The following CDYL variants were observed in gnomAD, a reference collection of about 807,000 sequenced individuals.
CDYL encodes chromodomain Y-like protein.
In CDYL, 8 loss-of-function variants were observed where a neutral mutation model predicts 47.3. That is an observed-to-expected ratio of 0.17 (90% CI 0.10 to 0.31). The LOEUF is 0.31. CDYL is among the 10% of genes least tolerant of loss of function. The probability of loss-of-function intolerance (pLI) is 1.00; values close to 1 mark genes in which losing one functional copy is unlikely to be tolerated. For synonymous variants in CDYL, 266 were observed against 265.0 expected, an observed-to-expected ratio of 1.00 and a Z score of -0.04; for missense variants, 471 against 701.4, an observed-to-expected ratio of 0.67 and a Z score of 3.71.
intron 1 of CDYL, among the ~76,000 whole-genome samples, chr6:4,840,086 G>T (rs187117807): frequency 3.7e-4 from 56 of 152,162 alleles, no homozygotes; most frequent in Non-Finnish European, 7.1e-4. Flanking sequence ...TGTCATCTAT[G>T]ATTTCTTTCA....
At chr6:4,749,384 TG>T (rs1434293662) in intron 3 of CDYL, among the ~76,000 whole-genome samples, 1 of 150,926 alleles carries the variant, frequency 6.6e-6, no homozygotes, top group East Asian at 2.0e-4. Flanking sequence ...GGATATGTGA[TG>T]GATAGATGGA....
intron 2 of CDYL, among the ~76,000 whole-genome samples, chr6:4,723,471 C>CCTCTGTA (rs1388729001): frequency 2.6e-5 from 4 of 152,042 alleles, no homozygotes; most frequent in Admixed American, 2.6e-4. Context: ...GAGGTGTGGG[C>CCTCTGTA]ATAGTTAGAG....
intron 3 of CDYL, among the ~76,000 whole-genome samples, chr6:4,769,983 G>A (rs1758314413): frequency 6.6e-6 from 1 of 151,352 alleles, no homozygotes; most frequent in African/African-American, 2.4e-5. Flanking sequence ...GTGTGTGTGT[G>A]TGTGTGTGTG....
intron 2 of CDYL, among the ~76,000 whole-genome samples, chr6:4,924,023 A>G (rs915947604): frequency 2.6e-5 from 4 of 152,130 alleles, no homozygotes; most frequent in African/African-American, 9.7e-5. Flanking sequence ...CATGTGGCAC[A>G]TTGCACTTGC....
At chr6:4,832,855 T>G (rs1191776757) in intron 1 of CDYL, among the ~76,000 whole-genome samples, 2 of 149,672 alleles carry the variant, frequency 1.3e-5, no homozygotes, top group Admixed American at 1.3e-4. Context: ...TTTTCTAGTT[T>G]ATTTGCGTAG....
intron 1 of CDYL, among the ~76,000 whole-genome samples, chr6:4,858,698 G>A (rs992584898): frequency 6.6e-6 from 1 of 152,202 alleles, no homozygotes; most frequent in African/African-American, 2.4e-5. Flanking sequence ...TGCAATTTAA[G>A]GCTGTCAGCT....
At chr6:4,757,674 T>C (rs1239993254) in intron 3 of CDYL, among the ~76,000 whole-genome samples, 1 of 152,214 alleles carries the variant, frequency 6.6e-6, no homozygotes, top group Non-Finnish European at 1.5e-5. Context: ...TTTCTACAAA[T>C]GAAAAGAAAA....
intron 1 of CDYL, among the ~76,000 whole-genome samples, chr6:4,830,464 T>C (rs116406378): frequency 0.026 from 4,035 of 152,300 alleles, 182 homozygotes; most frequent in African/African-American, 0.091. Flanking sequence ...CAGCCACATT[T>C]ACTGGCAGGC....
At chr6:4,716,392 C>G (rs1757261999) in intron 2 of CDYL, among the ~76,000 whole-genome samples, 1 of 152,166 alleles carries the variant, frequency 6.6e-6, no homozygotes, top group African/African-American at 2.4e-5. Flanking sequence ...TTTAAATCTC[C>G]TATCTGGCTT....
intron 2 of CDYL, among the ~76,000 whole-genome samples, chr6:4,923,930 A>G (rs1344711031): frequency 6.6e-6 from 1 of 151,768 alleles, no homozygotes; most frequent in Non-Finnish European, 1.5e-5. Context: ...AAAAAAAAAA[A>G]AGAGTTCCCC....
chr6:4,824,697 A>G (rs1406961015), intron 1 of CDYL, among the ~76,000 whole-genome samples: 1 of 151,984 alleles, frequency 6.6e-6, no homozygotes, highest in Non-Finnish European at 1.5e-5. Context: ...TTTGAAACAC[A>G]CAAGTTTTTA....
chr6:4,937,510 T>C, intron 3 of CDYL, 55 bp from the exon 4 acceptor site: 3 of 1,436,090 alleles, frequency 2.1e-6, no homozygotes, highest in Non-Finnish European at 2.8e-6. Context: ...AAAAAATGCT[T>C]TAAGATTTTA....
intron 1 of CDYL, among the ~76,000 whole-genome samples, chr6:4,784,427 CCTT>C (rs1276815437): frequency 3.9e-5 from 6 of 152,228 alleles, no homozygotes; most frequent in African/African-American, 1.2e-4. Context: ...TCTGAAGAAA[CCTT>C]CTTGATTTGG....
chr6:4,868,025 C>T (rs959538111), intron 1 of CDYL, among the ~76,000 whole-genome samples: 2 of 151,666 alleles, frequency 1.3e-5, no homozygotes, highest in African/African-American at 2.4e-5. Flanking sequence ...ATCATTCTAG[C>T]GAAGAGTTTA....
intron 3 of CDYL, among the ~76,000 whole-genome samples, chr6:4,769,508 A>G (rs541690071): frequency 2.0e-5 from 3 of 152,262 alleles, no homozygotes; most frequent in Non-Finnish European, 2.9e-5. Flanking sequence ...GCCTTTTTGC[A>G]TATCTAGTAT....
At position 4,831,108 on chromosome 6, in the gene CDYL, G is replaced by T. The variant is rs541374191; in HGVS notation, c.24+54301G>T. 2.1e-3 allele frequency among the ~76,000 whole-genome samples: 318 copies of T among 152,104 alleles called. 3 individuals carry two copies. The highest frequency in any genetic ancestry group is 7.1e-3 in the African/African-American group (294 of 41,492). On this transcript the variant is annotated intron_variant, in intron 1 of 6. Transcript: ENST00000397588. ...TAGCAGCATGATTTATAGTCCTTTG[G>T]GTATATCCCCAGTAATGGGATGGCT...
intron 2 of CDYL, among the ~76,000 whole-genome samples, chr6:4,720,541 G>A (rs1757348995): frequency 6.6e-6 from 1 of 152,094 alleles, no homozygotes; most frequent in Admixed American, 6.6e-5. Context: ...TTCATCCATA[G>A]AAAATGTAAA....
At chr6:4,729,119 A>G (rs895461806) in intron 2 of CDYL, among the ~76,000 whole-genome samples, 17 of 152,120 alleles carry the variant, frequency 1.1e-4, no homozygotes, top group African/African-American at 3.4e-4. Flanking sequence ...AAACTCATCA[A>G]TTACAGCACA....
intron 2 of CDYL, among the ~76,000 whole-genome samples, chr6:4,732,791 C>T (rs4960037): frequency 0.3 from 45,019 of 151,682 alleles, 6,810 homozygotes; most frequent in Admixed American, 0.34. Context: ...AAAACAGATT[C>T]AAGTTTGAAA....
Sources: allele counts gnomAD v4.1 joint callset (sites outside exome capture counted in the v4.1 genomes callset), GRCh38; gene constraint gnomAD v4.1.1; transcripts MANE v1.5; gene names NCBI Gene and HGNC (gene_info 2026-07-23, HGNC 2026-07-21).